The following CINP variants were observed in gnomAD, a reference collection of about 807,000 sequenced individuals.
The protein encoded by CINP is cyclin-dependent kinase 2-interacting protein.
A neutral mutation model predicts 20.5 loss-of-function variants in CINP; 11 were observed. That is an observed-to-expected ratio of 0.54 (90% CI 0.34 to 0.89). CINP has a LOEUF of 0.89. Among genes scored for constraint, CINP ranks in the 40% least tolerant of loss-of-function variants. The probability of loss-of-function intolerance (pLI) is 0.02; values close to 1 mark genes in which losing one functional copy is unlikely to be tolerated. For synonymous variants in CINP, 108 were observed against 102.1 expected (o/e 1.06, Z -0.35); for missense variants, 213 against 251.0 (o/e 0.85, Z 1.02).
At chr14:102,359,035 T>C (rs1887064269) in intron 2 of CINP, among the ~76,000 whole-genome samples, 1 of 151,760 alleles carries the variant, frequency 6.6e-6, no homozygotes, top group Non-Finnish European at 1.5e-5. Flanking sequence ...AGCCCGTCTC[T>C]ACTAAAAATA....
At position 102,359,441 on chromosome 14, in the gene CINP, C is replaced by G. The variant is rs766060539; in HGVS notation, c.154G>C (p.Ala52Pro). The change falls in exon 2 of 5, where the codon GCC becomes CCC. Residue 52 changes from alanine to proline, a missense_variant. Ala to Pro is a conservative substitution (Grantham distance 27). Transcript: ENST00000216756. ...TACAATAAACTGATTTTCAAGTTGGCAATATTATTTGCAGTGGTAAAACCT... is the reference window on the plus strand; with the variant it reads ...TACAATAAACTGATTTTCAAGTTGGGAATATTATTTGCAGTGGTAAAACCT... The part of the protein sequence containing the change: ...DAGFTTANNI[A>P]NLKISLLNKD... 2 of 1,598,242 alleles carry G rather than the reference C, an allele frequency of 1.3e-6. No homozygotes were observed. The highest frequency in any genetic ancestry group is 1.7e-5 in the Admixed American group (1 of 58,102).
At position 102,351,644 on chromosome 14, in the gene CINP, C is replaced by G. The variant is rs894534286; in HGVS notation, c.307-1596G>C. On this transcript the variant is annotated intron_variant, in intron 3 of 4. Coordinates refer to ENST00000216756, the MANE Select transcript of CINP (RefSeq NM_032630.3). This position sits in a 1 kb window ranked among gnomAD's most constrained non-coding sequence, Gnocchi z 4.2. ...AATTCCTTTACTTGGTCCTTCCAAC[C>G]ACCCTCCAATTACATTGGAAGTGGC... is the stretch of plus-strand genomic sequence containing the variant. Among the ~76,000 whole-genome samples the G allele has an allele frequency of 6.6e-6, 1 of 152,104 alleles. No individual in the cohort carries two copies. The highest frequency in any genetic ancestry group is 6.6e-5 in the Admixed American group (1 of 15,264).
chr14:102,356,856 T>C (rs538974703), intron 2 of CINP, among the ~76,000 whole-genome samples: 1 of 152,304 alleles, frequency 6.6e-6, no homozygotes, highest in South Asian at 2.1e-4. Context: ...ACTGCTCCAC[T>C]GACCGGCTGC....
intron 3 of CINP, among the ~76,000 whole-genome samples, chr14:102,355,242 C>T (rs1271314024): frequency 2.0e-5 from 3 of 151,748 alleles, no homozygotes; most frequent in Admixed American, 1.3e-4. Context: ...TGTGGCTGGG[C>T]GTGGTAGCTC....
rs199927666 is a variant in CINP, at chr14:102,352,960, T to TA, written c.306+2807dup. On this transcript the variant is annotated intron_variant, in intron 3 of 4. Coordinates refer to ENST00000216756, the MANE Select transcript of CINP (RefSeq NM_032630.3). ...CACTGCGCCTGGCCAAAACAAAAAT[T>TA]AAAAAAAAACAAATAAAAATACAAC... is the stretch of plus-strand genomic sequence containing the variant. Among the ~76,000 whole-genome samples, 564 of 147,884 alleles carry TA rather than the reference T, an allele frequency of 3.8e-3. 2 individuals carry two copies. The highest frequency in any genetic ancestry group is 6.9e-3 in the Middle Eastern group (2 of 288).
At position 102,348,422 on chromosome 14, in the gene CINP, TG is replaced by T; in HGVS notation, c.*134del. ...AGCACGCCTGGAGAGGCCATGGGGC[TG>T]GTGACAAGCTCTGGCCAGAAGACCC... On this transcript the variant is annotated 3_prime_UTR_variant, in exon 5 of 5. Transcript: ENST00000216756. 1.3e-6 allele frequency: 1 copy of T among 774,070 alleles called. No homozygotes were observed. The highest frequency in any genetic ancestry group is 2.0e-6 in the Non-Finnish European group (1 of 497,312). 48.0% of individuals were successfully genotyped at this position (774,070 alleles called of 1,614,324 possible). A position where few individuals can be genotyped will look rare whatever the true frequency, so the allele number is the denominator to read the frequency against.
intron 3 of CINP, among the ~76,000 whole-genome samples, chr14:102,352,940 C>T (rs1419848183): frequency 5.9e-5 from 9 of 151,382 alleles, no homozygotes; most frequent in East Asian, 5.9e-4. Context: ...TGAGCCACTG[C>T]GCCTGGCCAA....
chr14:102,354,213 T>C (rs543790165), intron 3 of CINP, among the ~76,000 whole-genome samples: 26 of 152,338 alleles, frequency 1.7e-4, no homozygotes, highest in African/African-American at 5.8e-4. Flanking sequence ...TCACATCTGG[T>C]GGCCAGTATG....
In CINP at chr14:102,359,475, G is replaced by A. The variant is rs145802438; in HGVS notation, c.120C>T (p.Leu40=). Residue 40 remains leucine (L), a synonymous_variant, in exon 2 of 5, where the codon CTC becomes CTT. Transcript: ENST00000216756. ...TTGCAGTGGTAAAACCTGCATCATT[G>A]AGGGTTTCCCACTTCAGGATTAAAT... ...WHNLILKWET[L]NDAGFTTANN... is the part of the protein sequence containing the mutation. 5.0e-6 allele frequency: 8 copies of A among 1,611,652 alleles called. No homozygotes were observed. The African/African-American group carries it at 8.0e-5, about 16-fold the overall frequency.
chr14:102,361,683 A>G (rs1307010734), intron 1 of CINP, among the ~76,000 whole-genome samples: 1 of 150,600 alleles, frequency 6.6e-6, no homozygotes, highest in Non-Finnish European at 1.5e-5. Context: ...AAATAAAAAA[A>G]TGAAGTTTGG....
In CINP at chr14:102,348,857, A is replaced by G. The variant is rs1886805121; in HGVS notation, c.437-98T>C. ...TTAACAGCTCTTGATTAAAAACCAGAATCAGCAACAGCACTGAGGGGAAGA... is the reference window on the plus strand; with the variant it reads ...TTAACAGCTCTTGATTAAAAACCAGGATCAGCAACAGCACTGAGGGGAAGA... On this transcript the variant is annotated intron_variant, in intron 4 of 4. Transcript: ENST00000216756. 3.7e-6 allele frequency: 4 copies of G among 1,087,736 alleles called. No homozygotes were observed. In the South Asian group the frequency reaches 5.7e-5, roughly 16 times the overall value. 67.4% of individuals were successfully genotyped at this position (1,087,736 alleles called of 1,614,324 possible).
intron 1 of CINP, among the ~76,000 whole-genome samples, chr14:102,360,819 G>A (rs1371787638): frequency 6.6e-6 from 1 of 152,076 alleles, no homozygotes; most frequent in Non-Finnish European, 1.5e-5. Context: ...TTCTGACTTT[G>A]ACCTGGAATA....
chr14:102,362,858 C>T lies in CINP; in HGVS notation c.-7G>A. ...GATCTCACGCACCTTCCATAAGGTCCACAGATATCCGTAGAAGGAGACGCG... is the reference window on the plus strand; with the variant it reads ...GATCTCACGCACCTTCCATAAGGTCTACAGATATCCGTAGAAGGAGACGCG... On this transcript the variant is annotated 5_prime_UTR_variant, in exon 1 of 5. Transcript: ENST00000216756. 2 of 1,614,132 alleles carry T rather than the reference C, an allele frequency of 1.2e-6. No individual in the cohort carries two copies. Among genetic ancestry groups the T allele is most frequent in the African/African-American group, 1.3e-5 (1 of 75,052 alleles).
At chr14:102,362,818 C>T in intron 1 of CINP, 27 bp downstream of exon 1, 3 of 1,613,968 alleles carry the variant, frequency 1.9e-6, no homozygotes, top group Non-Finnish European at 2.5e-6. Flanking sequence ...GCCACCCCAC[C>T]CCGGGAAAGG....
intron 2 of CINP, among the ~76,000 whole-genome samples, chr14:102,358,056 C>T (rs1408594840): frequency 6.6e-6 from 1 of 152,208 alleles, no homozygotes; most frequent in Non-Finnish European, 1.5e-5. Flanking sequence ...GTTAAATCTA[C>T]TCTGCCAGTG....
At chr14:102,349,558 TAAAAC>T (rs1886819851) in intron 4 of CINP, among the ~76,000 whole-genome samples, 1 of 152,010 alleles carries the variant, frequency 6.6e-6, no homozygotes, top group African/African-American at 2.4e-5. Context: ...GTTTTTTAAT[TAAAAC>T]AAAAAACAAA....
intron 2 of CINP, 139 bp from the exon 3 acceptor site, chr14:102,356,036 T>C: frequency 1.2e-6 from 1 of 853,010 alleles, no homozygotes; most frequent in Non-Finnish European, 1.8e-6. Context: ...CATATCATTA[T>C]GATACAAATG....
At chr14:102,353,308 G>A (rs1886915108) in intron 3 of CINP, among the ~76,000 whole-genome samples, 3 of 152,152 alleles carry the variant, frequency 2.0e-5, no homozygotes, top group African/African-American at 7.2e-5. Context: ...CGTGGGAGGA[G>A]GAGAAAGAGC....
At chr14:102,350,832 G>A (rs1443838441) in intron 3 of CINP, among the ~76,000 whole-genome samples, 4 of 133,076 alleles carry the variant, frequency 3.0e-5, no homozygotes, top group African/African-American at 5.5e-5. Context: ...TTTTTGAGAC[G>A]GAGTCTTGCT....
Sources: allele counts gnomAD v4.1 joint callset (sites outside exome capture counted in the v4.1 genomes callset), GRCh38; gene constraint gnomAD v4.1.1; non-coding constraint Gnocchi (gnomAD v3.1); transcripts MANE v1.5; gene names NCBI Gene and HGNC (gene_info 2026-07-23, HGNC 2026-07-21).